The following UBE3D variants were observed in gnomAD, a reference collection of about 807,000 sequenced individuals.
The protein encoded by UBE3D is ubiquitin protein ligase E3D.
A neutral mutation model predicts 49.6 loss-of-function variants in UBE3D; 48 were observed. That is an observed-to-expected ratio of 0.97 (90% CI 0.77 to 1.23). UBE3D has a LOEUF of 1.23. Ranked by LOEUF, UBE3D falls within the 50% of genes most tolerant of loss-of-function variation. The pLI is 0.00. For missense variants in UBE3D, 452 were observed against 468.4 expected, an observed-to-expected ratio of 0.96 and a Z score of 0.32; for synonymous variants, 189 against 174.2, an observed-to-expected ratio of 1.08 and a Z score of -0.67.
chr6:83,065,692 G>C lies in UBE3D; in HGVS notation c.27C>G (p.Arg9=), dbSNP rs1467357684. Residue 9 remains arginine, a synonymous_variant, in exon 1 of 10, where the codon CGC becomes CGG. Transcript: ENST00000369747. MAASAAET[R]VFLEVRGQLQ... is the part of the protein sequence containing the mutation. ...GCTGTCCCCGCACCTCCAGAAACAC[G>C]CGCGTCTCCGCCGCAGAAGCCGCCA... 4 of 1,612,080 alleles carry C rather than the reference G, an allele frequency of 2.5e-6. No individual in the cohort carries two copies. Among genetic ancestry groups the C allele is most frequent in the Middle Eastern group, 3.3e-4 (2 of 6,056 alleles).
chr6:82,915,726 G>A (rs927754413), intron 9 of UBE3D, among the ~76,000 whole-genome samples: 9 of 152,308 alleles, frequency 5.9e-5, no homozygotes, highest in Admixed American at 4.6e-4. Flanking sequence ...TCCAGGTGTT[G>A]CAAGTTACCT....
chr6:82,942,050 TCA>T, intron 9 of UBE3D, among the ~76,000 whole-genome samples: 1 of 152,146 alleles, frequency 6.6e-6, no homozygotes, highest in East Asian at 1.9e-4. Flanking sequence ...TTTGGAGGGC[TCA>T]GAGGAAGACA....
chr6:82,902,442 T>C (rs1183239364), intron 9 of UBE3D, among the ~76,000 whole-genome samples: 1 of 152,126 alleles, frequency 6.6e-6, no homozygotes. Flanking sequence ...TGCTCAGCAA[T>C]AAAAAGCAGC....
chr6:82,925,984 C>T (rs1466779168), intron 9 of UBE3D, among the ~76,000 whole-genome samples: 1 of 151,600 alleles, frequency 6.6e-6, no homozygotes, highest in African/African-American at 2.4e-5. Context: ...ACATTTCTAG[C>T]TCTATAGTCT....
intron 8 of UBE3D, among the ~76,000 whole-genome samples, chr6:83,013,217 A>G (rs1205779926): frequency 2.0e-5 from 3 of 152,230 alleles, no homozygotes; most frequent in Admixed American, 2.0e-4. Context: ...TTCAGGTCAC[A>G]TTGTGACTTG....
chr6:83,049,948 C>T (rs1052687748), intron 3 of UBE3D, among the ~76,000 whole-genome samples: 2 of 152,038 alleles, frequency 1.3e-5, no homozygotes, highest in African/African-American at 2.4e-5. Context: ...GCCCATTAAT[C>T]TTAACAAGAG....
chr6:83,057,839 T>A lies in UBE3D; in HGVS notation c.261A>T (p.Ala87=). 1 of 1,614,148 alleles carries A rather than the reference T, an allele frequency of 6.2e-7. No homozygotes were observed. The change falls in exon 2 of 10, where the codon GCA becomes GCT. Residue 87 remains alanine, a synonymous_variant. Coordinates refer to ENST00000369747, the MANE Select transcript of UBE3D (RefSeq NM_198920.3). ...DGLHLRLQTQ[A]KLGTKLISMF... ...AATATTACTCACTTGTGCCTAATTT[T>A]GCTTGCGTCTGCAGTCGCAGGTGCA...
chr6:82,981,031 C>A (rs1778083678), intron 8 of UBE3D, among the ~76,000 whole-genome samples: 1 of 151,992 alleles, frequency 6.6e-6, no homozygotes, highest in African/African-American at 2.4e-5. Flanking sequence ...TTAAAATAAT[C>A]CTACCATGAT....
rs987844640 is a variant in UBE3D, at chr6:82,998,035, G to C, written c.1010+20938C>G. On this transcript the variant is annotated intron_variant, in intron 8 of 9. Transcript: ENST00000369747. ...TGACAAGAGTAAGGTTCTGGCAGTT[G>C]ATATTGTGCAGTGAGGCAGAGGGTG... Among the ~76,000 whole-genome samples, 10 of 152,188 alleles carry C rather than the reference G, an allele frequency of 6.6e-5. 1 individual carries two copies. The highest frequency in any genetic ancestry group is 1.3e-4 in the Admixed American group (2 of 15,282).
chr6:83,016,979 G>C (rs945449446), intron 8 of UBE3D, among the ~76,000 whole-genome samples: 1 of 152,174 alleles, frequency 6.6e-6, no homozygotes, highest in African/African-American at 2.4e-5. Context: ...TTAAGGGTGG[G>C]TCTGCCTTTC....
chr6:83,029,295 T>G (rs1418680922), intron 5 of UBE3D, among the ~76,000 whole-genome samples: 1 of 152,214 alleles, frequency 6.6e-6, no homozygotes, highest in African/African-American at 2.4e-5. Flanking sequence ...CTGTTCATTT[T>G]GTTTTAGACT....
intron 9 of UBE3D, among the ~76,000 whole-genome samples, chr6:82,942,738 G>C (rs987354365): frequency 6.6e-6 from 1 of 152,254 alleles, no homozygotes; most frequent in African/African-American, 2.4e-5. Context: ...CTAGATTTCA[G>C]AGGATGTATG....
intron 2 of UBE3D, among the ~76,000 whole-genome samples, chr6:83,056,723 CAG>C (rs1156563919): frequency 2.0e-5 from 3 of 152,144 alleles, no homozygotes; most frequent in South Asian, 2.1e-4. Context: ...AGCACAGACT[CAG>C]GGGAATACTC....
rs142177982 is a variant in UBE3D, at chr6:83,051,214, A to G, written c.365+2934T>C. Among the ~76,000 whole-genome samples the G allele has an allele frequency of 3.9e-3, 601 of 152,332 alleles. 3 individuals are homozygous for G. The highest frequency in any genetic ancestry group is 0.014 in the African/African-American group (566 of 41,574). ...AGGCTGTATTAGAAGAACCTGAGGTAGTACAAACACAACTTCCCAGCTACT... is the reference window on the plus strand; with the variant it reads ...AGGCTGTATTAGAAGAACCTGAGGTGGTACAAACACAACTTCCCAGCTACT... On this transcript the variant is annotated intron_variant, in intron 3 of 9. Transcript: ENST00000369747.
rs369776953 is a variant in UBE3D, at chr6:82,923,029, G to A, written c.1150-29987C>T. On this transcript the variant is annotated intron_variant, in intron 9 of 9. Transcript: ENST00000369747. Reference sequence around the variant, plus strand: ...ATGAGATACCATCTCAAGCTAGTTAGAATGGCAATCATTAAAAAGTCAGGA... The same window carrying A: ...ATGAGATACCATCTCAAGCTAGTTAAAATGGCAATCATTAAAAAGTCAGGA... Among the ~76,000 whole-genome samples the A allele has an allele frequency of 1.6e-4, 25 of 152,334 alleles. No individual in the cohort carries two copies. The South Asian group carries it at 5.2e-3, about 32-fold the overall frequency.
At chr6:83,031,838 C>T (rs1314466191) in intron 5 of UBE3D, among the ~76,000 whole-genome samples, 1 of 152,168 alleles carries the variant, frequency 6.6e-6, no homozygotes, top group East Asian at 1.9e-4. Context: ...TAAAAGGGGC[C>T]AAGGTACAGC....
At position 83,054,157 on chromosome 6, in the gene UBE3D, A is replaced by G. The variant is rs1408727019; in HGVS notation, c.356T>C (p.Ile119Thr). Residue 119 changes from isoleucine to threonine, a missense_variant, in exon 3 of 10, where the codon ATA becomes ACA. Transcript: ENST00000369747. ...FYCQSCGEVI[I>T]KDRKLLRVLP... Reference sequence around the variant, plus strand: ...TAAATATATTCCTTACCTGTCTTTTATTATGACTTCACCGCAGGATTGGCA... The same window carrying G: ...TAAATATATTCCTTACCTGTCTTTTGTTATGACTTCACCGCAGGATTGGCA... 1.9e-6 allele frequency: 3 copies of G among 1,613,656 alleles called. No individual in the cohort carries two copies. The Admixed American group carries it at 5.0e-5, about 27-fold the overall frequency.
intron 9 of UBE3D, among the ~76,000 whole-genome samples, chr6:82,893,253 T>G (rs1771067797): frequency 1.3e-5 from 2 of 152,176 alleles, no homozygotes; most frequent in Non-Finnish European, 2.9e-5. Context: ...TTAAGATGAT[T>G]CACACGCATT....
chr6:83,015,119 G>A (rs1780608469), intron 8 of UBE3D, among the ~76,000 whole-genome samples: 1 of 152,146 alleles, frequency 6.6e-6, no homozygotes. Flanking sequence ...TTTAAATTTT[G>A]TAGTTGAGTG....
Sources: allele counts gnomAD v4.1 joint callset (sites outside exome capture counted in the v4.1 genomes callset), GRCh38; gene constraint gnomAD v4.1.1; transcripts MANE v1.5; gene names NCBI Gene and HGNC (gene_info 2026-07-23, HGNC 2026-07-21).